GRXCR1: variants seen among roughly 807,000 people sequenced by gnomAD.
GRXCR1 encodes glutaredoxin and cysteine rich domain containing 1, also known as glutaredoxin domain-containing cysteine-rich protein 1.
A neutral mutation model predicts 27.3 loss-of-function variants in GRXCR1; 27 were observed. The ratio of observed to expected loss-of-function variants is 0.99; its 90% CI spans 0.73 to 1.37. The LOEUF (loss-of-function observed/expected upper bound fraction) is 1.37. Ranked by LOEUF, GRXCR1 falls within the 40% of genes most tolerant of loss-of-function variation. The pLI, the probability that GRXCR1 is intolerant of heterozygous loss-of-function variation, is 0.00. For synonymous variants in GRXCR1, 122 were observed against 131.1 expected, an observed-to-expected ratio of 0.93 and a Z score of 0.47; for missense variants, 379 against 354.4, an observed-to-expected ratio of 1.07 and a Z score of -0.56.
chr4:43,009,314 C>T (rs1220578633), intron 2 of GRXCR1, among the ~76,000 whole-genome samples: 2 of 152,260 alleles, frequency 1.3e-5, no homozygotes, highest in South Asian at 4.1e-4. Context: ...ATTATTGCCA[C>T]CCTGTTTCAC....
intron 2 of GRXCR1, among the ~76,000 whole-genome samples, chr4:43,002,672 T>C (rs1712412773): frequency 7.1e-6 from 1 of 140,542 alleles, no homozygotes; most frequent in Non-Finnish European, 1.6e-5. Context: ...ATATTTTAGG[T>C]GATTTATCCC....
chr4:42,994,036 T>C (rs1712063319), intron 2 of GRXCR1, among the ~76,000 whole-genome samples: 1 of 152,076 alleles, frequency 6.6e-6, no homozygotes, highest in Non-Finnish European at 1.5e-5. Flanking sequence ...GAAGAAATGT[T>C]TTATAGGATC....
intron 2 of GRXCR1, among the ~76,000 whole-genome samples, chr4:43,019,974 G>A (rs751390607): frequency 1.3e-5 from 2 of 152,152 alleles, no homozygotes; most frequent in Non-Finnish European, 1.5e-5. Context: ...TTGGAGTAAG[G>A]TAGAGATAAC....
intron 1 of GRXCR1, among the ~76,000 whole-genome samples, chr4:42,912,593 A>G (rs1055532030): frequency 2.0e-5 from 3 of 152,188 alleles, no homozygotes; most frequent in Non-Finnish European, 4.4e-5. Context: ...TTCATTAGTC[A>G]ATAGTTTAGT....
At chr4:42,924,458 A>G (rs1747097774) in intron 1 of GRXCR1, among the ~76,000 whole-genome samples, 1 of 152,052 alleles carries the variant, frequency 6.6e-6, no homozygotes, top group South Asian at 2.1e-4. Flanking sequence ...AGGCTCAGAA[A>G]ATTTACATAA....
intron 2 of GRXCR1, among the ~76,000 whole-genome samples, chr4:42,969,566 T>G (rs1244358378): frequency 6.6e-6 from 1 of 151,804 alleles, no homozygotes; most frequent in East Asian, 1.9e-4. Context: ...GAGAGAGGGA[T>G]CGAGAGAGCA....
At chr4:42,981,248 T>C (rs941901404) in intron 2 of GRXCR1, among the ~76,000 whole-genome samples, 1 of 152,006 alleles carries the variant, frequency 6.6e-6, no homozygotes, top group Non-Finnish European at 1.5e-5. Context: ...ATGAGACTTA[T>C]AAAAAACATC....
chr4:43,024,800 A>G (rs926870323), intron 3 of GRXCR1, among the ~76,000 whole-genome samples: 3 of 152,204 alleles, frequency 2.0e-5, no homozygotes, highest in African/African-American at 7.2e-5. Context: ...CTAGTTTAAA[A>G]CAAAATACAT....
intron 2 of GRXCR1, among the ~76,000 whole-genome samples, chr4:43,006,863 T>C (rs1183337808): frequency 6.6e-6 from 1 of 152,212 alleles, no homozygotes; most frequent in South Asian, 2.1e-4. Flanking sequence ...TGACATGTGA[T>C]GTCTCCCCCG....
At chr4:42,922,409 C>A (rs1219098301) in intron 1 of GRXCR1, among the ~76,000 whole-genome samples, 2 of 152,114 alleles carry the variant, frequency 1.3e-5, no homozygotes, top group Admixed American at 1.3e-4. Context: ...TGCAAATTGC[C>A]ACCCCTTGGC....
At chr4:42,937,841 T>C (rs574475033) in intron 1 of GRXCR1, among the ~76,000 whole-genome samples, 1 of 151,970 alleles carries the variant, frequency 6.6e-6, no homozygotes, top group Admixed American at 6.6e-5. Context: ...TATTTTGATA[T>C]AGGCATAAAA....
intron 2 of GRXCR1, among the ~76,000 whole-genome samples, chr4:42,976,527 A>G (rs1748525480): frequency 6.6e-6 from 1 of 151,996 alleles, no homozygotes; most frequent in Admixed American, 6.6e-5. Flanking sequence ...TTATTATGAC[A>G]TGATCACACC....
chr4:42,980,685 T>A (rs2109784573), intron 2 of GRXCR1, among the ~76,000 whole-genome samples: 1 of 152,212 alleles, frequency 6.6e-6, no homozygotes, highest in Admixed American at 6.5e-5. Context: ...AATATTTTCT[T>A]ATTGATTTTC....
At chr4:42,978,363 TAGAC>T (rs1323518360) in intron 2 of GRXCR1, among the ~76,000 whole-genome samples, 3 of 152,068 alleles carry the variant, frequency 2.0e-5, no homozygotes, top group East Asian at 1.9e-4. Flanking sequence ...GGTATTTTGA[TAGAC>T]AGTGAATTTA....
chr4:42,953,062 G>A (rs1397461350), intron 1 of GRXCR1, among the ~76,000 whole-genome samples: 1 of 152,108 alleles, frequency 6.6e-6, no homozygotes, highest in African/African-American at 2.4e-5. Context: ...GATCCAAAAA[G>A]CCAGCCAATG....
rs558540694 is a variant in GRXCR1, at chr4:42,934,659, T to C, written c.385-28233T>C. ...AAAACGTTGACTTCTATTTTGTGTT[T>C]TTACAAAATACTTTCACTTATCTGT... On this transcript the variant is annotated intron_variant, in intron 1 of 3. Coordinates refer to ENST00000399770, the MANE Select transcript of GRXCR1 (RefSeq NM_001080476.3). 5.9e-5 allele frequency among the ~76,000 whole-genome samples: 9 copies of C among 152,074 alleles called. No individual in the cohort carries two copies. The South Asian group carries it at 1.9e-3, about 32-fold the overall frequency.
At chr4:42,998,460 A>G (rs1454447291) in intron 2 of GRXCR1, among the ~76,000 whole-genome samples, 1 of 152,226 alleles carries the variant, frequency 6.6e-6, no homozygotes, top group Non-Finnish European at 1.5e-5. Context: ...AATAGAAAAT[A>G]TGGAAAGGAC....
At chr4:43,002,226 G>A (rs1338316947) in intron 2 of GRXCR1, among the ~76,000 whole-genome samples, 1 of 152,290 alleles carries the variant, frequency 6.6e-6, no homozygotes, top group Admixed American at 6.5e-5. Context: ...GTGTCGGGCT[G>A]GGGGACAGTC....
intron 1 of GRXCR1, among the ~76,000 whole-genome samples, chr4:42,928,443 C>T (rs1245922636): frequency 6.6e-6 from 1 of 151,886 alleles, no homozygotes; most frequent in Non-Finnish European, 1.5e-5. Context: ...TTCTGCCTCC[C>T]CAGAGTAAGG....
Sources: gnomAD v4.1 joint callset for allele counts (sites outside exome capture counted in the v4.1 genomes callset) on GRCh38, gnomAD v4.1.1 for gene constraint, MANE v1.5 for transcripts, NCBI Gene and HGNC (gene_info 2026-07-23, HGNC 2026-07-21) for gene names.